The following CEP295 variants were observed in gnomAD, a reference collection of about 807,000 sequenced individuals.
The protein encoded by CEP295 is centrosomal protein of 295 kDa.
Under a neutral mutation model 291.6 loss-of-function variants are expected in CEP295, and 190 were observed. That is an observed-to-expected ratio of 0.65 (90% confidence interval 0.58 to 0.73). CEP295 has a LOEUF of 0.73. Ranked by LOEUF, CEP295 falls within the 30% of genes least tolerant of loss-of-function variation. CEP295 has a pLI of 0.00. For synonymous variants in CEP295, 993 were observed against 1,038.8 expected (o/e 0.96, Z 0.85); for missense variants, 2,863 against 2,949.4 (o/e 0.97, Z 0.68).
In CEP295 at chr11:93,699,984, A is replaced by G. The variant is rs1433819177; in HGVS notation, c.5072A>G (p.Gln1691Arg). 6.4e-7 allele frequency: 1 copy of G among 1,551,736 alleles called. No homozygotes were observed. Among genetic ancestry groups the G allele is most frequent in the Admixed American group, 2.0e-5 (1 of 51,004 alleles). The change falls in exon 15 of 30, where the codon CAA becomes CGA. Residue 1691 changes from glutamine to arginine, a missense_variant. Gln to Arg is a conservative substitution (Grantham distance 43, BLOSUM62 1). Around this residue, in one of 3 missense-constraint regions of CEP295, gnomAD observed 2,295 missense variants for 2,335.7 expected, o/e 0.98. Coordinates refer to ENST00000325212, the MANE Select transcript of CEP295 (RefSeq NM_033395.2). Reference protein sequence around the residue: ...PPSNPVIPGFQDRLLSFSQSV... With the variant: ...PPSNPVIPGFRDRLLSFSQSV... ...AGTAATCCTGTGATCCCAGGGTTTC[A>G]AGATAGACTTTTGAGTTTTTCACAG...
chr11:93,676,746 T>C (rs1011125450), intron 6 of CEP295, among the ~76,000 whole-genome samples: 5 of 152,058 alleles, frequency 3.3e-5, no homozygotes, highest in Non-Finnish European at 7.4e-5. Context: ...CTAAGATTGA[T>C]GATGAATTTT....
At chr11:93,671,351 C>T (rs971779169) in intron 5 of CEP295, among the ~76,000 whole-genome samples, 2 of 151,922 alleles carry the variant, frequency 1.3e-5, no homozygotes, top group African/African-American at 4.8e-5. Flanking sequence ...CTCAATATTA[C>T]ATAGTCAATT....
rs897223990 is a variant in CEP295 at position 93,727,004 on chromosome 11, G to C, written c.6528G>C (p.Gln2176His). The change falls in exon 24 of 30, where the codon CAG (glutamine) becomes CAC (histidine). Residue 2176 changes from glutamine (Q) to histidine (H), a missense_variant. By Grantham distance (24) the Gln-to-His change is conservative. This residue lies in a region of CEP295 where 2,295 missense variants were observed against 2,335.7 expected (regional missense o/e 0.98). Coordinates refer to ENST00000325212, the MANE Select transcript of CEP295 (RefSeq NM_033395.2). The stretch of plus-strand genomic sequence containing the variant: ...CTGAACAATGTTTTGAACAGCTTCA[G>C]CCAGAATATTCTTCACAGGAGGAGA... ...GGSEQCFEQL[Q>H]PEYSSQEESQ... 6.6e-5 allele frequency: 101 copies of C among 1,538,336 alleles called. No homozygotes were observed. The highest frequency in any genetic ancestry group is 8.8e-5 in the Non-Finnish European group (100 of 1,142,228).
Position 93,727,593 on chromosome 11 carries a change from G to C in CEP295, c.7117G>C (p.Ala2373Pro). 3 of 1,550,688 alleles carry C rather than the reference G, an allele frequency of 1.9e-6. No homozygotes were observed. Among genetic ancestry groups the C allele is most frequent in the African/African-American group, 1.4e-5 (1 of 73,008 alleles). Residue 2373 changes from alanine (A) to proline (P), a missense_variant, in exon 24 of 30, where the codon GCA becomes CCA. Around this residue, in one of 3 missense-constraint regions of CEP295, gnomAD observed 2,295 missense variants for 2,335.7 expected, o/e 0.98. Transcript: ENST00000325212. ...LSQLGESELF[A>P]SSGSFSLQSS... is the part of the protein sequence containing the mutation. ...TCAACTAGGAGAATCAGAGCTTTTT[G>C]CAAGTTCTGGATCATTTTCATTACA... is the stretch of plus-strand genomic sequence containing the variant.
At chr11:93,673,631 TTACAAGTGTGTGCCACCATGCCTGGC>T (rs1950551706) in intron 5 of CEP295, among the ~76,000 whole-genome samples, 1 of 152,018 alleles carries the variant, frequency 6.6e-6, no homozygotes, top group African/African-American at 2.4e-5. Context: ...GTAGCTGGGA[TTACAAGTGTGTGCCACCATGCCTGGC>T]TAATTTTTGA....
rs934593554 is a variant in CEP295, at chr11:93,729,676, A to G, written c.7462A>G (p.Lys2488Glu). ...SLQEAFIKRK[K>E]SFMERSHQRQ... ...ACAAGAAGCATTTATAAAGAGGAAA[A>G]AATCATTTATGGAGAGATCCCACCA... The change falls in exon 27 of 30, where the codon AAA (lysine) becomes GAA (glutamate). Residue 2488 changes from lysine to glutamate, a missense_variant. Lys to Glu is a moderately conservative substitution (Grantham distance 56, BLOSUM62 1). Coordinates refer to ENST00000325212, the MANE Select transcript of CEP295 (RefSeq NM_033395.2). 8 of 1,550,890 alleles carry G rather than the reference A, an allele frequency of 5.2e-6. No homozygotes were observed. Among genetic ancestry groups the G allele is most frequent in the Non-Finnish European group, 7.0e-6 (8 of 1,146,672 alleles).
At chr11:93,692,606 G>C (rs1951622705) in intron 12 of CEP295, among the ~76,000 whole-genome samples, 1 of 152,002 alleles carries the variant, frequency 6.6e-6, no homozygotes, top group Admixed American at 6.6e-5. Flanking sequence ...TACAGGTATA[G>C]GCCACCATGC....
chr11:93,692,074 T>C, intron 12 of CEP295, 44 bp downstream of exon 12: 1 of 1,056,274 alleles, frequency 9.5e-7, no homozygotes, highest in Non-Finnish European at 1.4e-6. Flanking sequence ...TTCCCCTAGG[T>C]ACTATTATAT....
rs1200571003 is a variant in CEP295 at position 93,698,810 on chromosome 11, T to C, written c.3898T>C (p.Phe1300Leu). Residue 1300 changes from phenylalanine to leucine, a missense_variant, in exon 15 of 30, where the codon TTT (phenylalanine) becomes CTT (leucine). Coordinates refer to ENST00000325212, the MANE Select transcript of CEP295 (RefSeq NM_033395.2). ...SFIPQLVQLS[F>L]TSLASAESGT... ...CATACCCCAGTTGGTACAGCTTTCA[T>C]TTACTTCGTTAGCTTCAGCTGAGTC... The C allele has an allele frequency of 1.3e-6, 2 of 1,551,638 alleles. No individual in the cohort carries two copies. Among genetic ancestry groups the C allele is most frequent in the African/African-American group, 2.7e-5 (2 of 73,066 alleles).
chr11:93,679,967 C>G (rs576564145), intron 7 of CEP295, among the ~76,000 whole-genome samples: 2 of 152,102 alleles, frequency 1.3e-5, no homozygotes, highest in African/African-American at 4.8e-5. Context: ...TCCTTGCTAC[C>G]GGAGCTTTTA....
intron 17 of CEP295, 26 bp downstream of exon 17, chr11:93,702,945 G>T (rs1952264269): frequency 2.6e-6 from 4 of 1,514,964 alleles, no homozygotes; most frequent in East Asian, 2.5e-5. Flanking sequence ...GATAAAACAA[G>T]ATTTTTAAAT....
At chr11:93,695,830 G>A (rs1051844530) in intron 13 of CEP295, among the ~76,000 whole-genome samples, 196 bp downstream of exon 13, 1 of 152,058 alleles carries the variant, frequency 6.6e-6, no homozygotes, top group African/African-American at 2.4e-5. Flanking sequence ...GGCCAATGTG[G>A]TGAAACCCCA....
At chr11:93,686,000 T>C (rs1951216694) in intron 9 of CEP295, among the ~76,000 whole-genome samples, 2 of 145,914 alleles carry the variant, frequency 1.4e-5, no homozygotes, top group South Asian at 5.0e-4. Flanking sequence ...TGAGCCACCA[T>C]GCCCGGCCAG....
At chr11:93,708,056 C>T (rs1467409240) in intron 18 of CEP295, among the ~76,000 whole-genome samples, 1 of 151,908 alleles carries the variant, frequency 6.6e-6, no homozygotes, top group Non-Finnish European at 1.5e-5. Flanking sequence ...TTTGTGGCTA[C>T]ATAGTAGGTG....
At chr11:93,700,681 C>T (rs1379585373) in intron 15 of CEP295, among the ~76,000 whole-genome samples, 1 of 151,908 alleles carries the variant, frequency 6.6e-6, no homozygotes, top group Non-Finnish European at 1.5e-5. Context: ...TGAGCCACCA[C>T]ACCTGACCCA....
At chr11:93,674,106 G>C (rs374984424) in intron 5 of CEP295, among the ~76,000 whole-genome samples, 2 of 152,002 alleles carry the variant, frequency 1.3e-5, no homozygotes, top group Admixed American at 1.3e-4. Context: ...GGGATTACAG[G>C]TGTGTGCTAC....
intron 8 of CEP295, 80 bp from the exon 9 acceptor site, chr11:93,683,884 C>A: frequency 6.8e-7 from 1 of 1,471,356 alleles, no homozygotes; most frequent in Non-Finnish European, 9.1e-7. Context: ...TGAGACATTA[C>A]CGTGGCCTTT....
At chr11:93,689,149 T>C (rs943741442) in intron 10 of CEP295, among the ~76,000 whole-genome samples, 1 of 152,350 alleles carries the variant, frequency 6.6e-6, no homozygotes, top group Non-Finnish European at 1.5e-5. Context: ...CCTGCTATCA[T>C]CAGCCTTTGC....
At chr11:93,706,283 A>G (rs937694992) in intron 17 of CEP295, among the ~76,000 whole-genome samples, 6 of 152,150 alleles carry the variant, frequency 3.9e-5, no homozygotes, top group Admixed American at 2.6e-4. Flanking sequence ...ATAACCTTCA[A>G]AGAGGTGCAC....
Sources: allele counts gnomAD v4.1 joint callset (sites outside exome capture counted in the v4.1 genomes callset), GRCh38; gene constraint gnomAD v4.1.1; regional missense constraint gnomAD v4.1.1; transcripts MANE v1.5; gene names NCBI Gene and HGNC (gene_info 2026-07-23, HGNC 2026-07-21).